The following CHD7 variants were observed in gnomAD, a reference collection of about 807,000 sequenced individuals.
CHD7 encodes the protein chromodomain helicase DNA binding protein 7.
In CHD7, 24 loss-of-function variants were observed where a neutral mutation model predicts 307.3. That is an observed-to-expected ratio of 0.08 (90% CI 0.06 to 0.11). The LOEUF (loss-of-function observed/expected upper bound fraction) is 0.11, where lower values mean the gene tolerates loss of function less well. Ranked by LOEUF, CHD7 falls within the 10% of genes least tolerant of loss-of-function variation. The pLI is 1.00. For synonymous variants in CHD7, 1,363 were observed against 1,349.9 expected (o/e 1.01, Z -0.21); for missense variants, 3,106 against 3,727.1 (o/e 0.83, Z 4.34).
intron 2 of CHD7, among the ~76,000 whole-genome samples, chr8:60,746,281 C>T (rs1329963339): frequency 6.6e-6 from 1 of 152,174 alleles, no homozygotes; most frequent in Non-Finnish European, 1.5e-5. Flanking sequence ...TGTAATACAG[C>T]CTTAGTTATG....
At chr8:60,811,936 C>G (rs1268654209) in intron 7 of CHD7, among the ~76,000 whole-genome samples, 1 of 152,172 alleles carries the variant, frequency 6.6e-6, no homozygotes, top group Non-Finnish European at 1.5e-5. Flanking sequence ...AACACCTTTT[C>G]ATAAGATTAA....
At position 60,741,358 on chromosome 8, in the gene CHD7, G is replaced by T. The variant is rs1048523310; in HGVS notation, c.-75G>T. ...TTAGTTAAGGATTATAGGCTTTGAG[G>T]GCAAACACCTCAGTGAAGTGAAGCA... On this transcript the variant is annotated 5_prime_UTR_variant, in exon 2 of 38. Transcript: ENST00000423902. 11 of 1,037,214 alleles carry T rather than the reference G, an allele frequency of 1.1e-5. No homozygotes were observed. The African/African-American group carries it at 1.8e-4, about 17-fold the overall frequency. 64.3% of individuals were successfully genotyped at this position (1,037,214 alleles called of 1,614,324 possible). A position where few individuals can be genotyped will look rare whatever the true frequency, so the allele number is the denominator to read the frequency against.
chr8:60,846,193 G>A lies in CHD7; in HGVS notation c.5210+784G>A, dbSNP rs568858203. Among the ~76,000 whole-genome samples the A allele has an allele frequency of 3.3e-5, 5 of 152,256 alleles. No individual in the cohort carries two copies. In the East Asian group the frequency reaches 7.7e-4, roughly 23 times the overall value. On this transcript the variant is annotated intron_variant, in intron 23 of 37. Coordinates refer to ENST00000423902, the MANE Select transcript of CHD7 (RefSeq NM_017780.4). Reference sequence around the variant, plus strand: ...AGAGGACTGGTTTTTAACCAGTATCGGTTAGAGAATAGTAGTCAGCATTAT... The same window carrying A: ...AGAGGACTGGTTTTTAACCAGTATCAGTTAGAGAATAGTAGTCAGCATTAT...
chr8:60,806,908 G>A (rs1812561918), intron 6 of CHD7, among the ~76,000 whole-genome samples: 2 of 152,088 alleles, frequency 1.3e-5, no homozygotes, highest in Non-Finnish European at 2.9e-5. Flanking sequence ...GAGGTGGTAG[G>A]GAGGGGCAGG....
chr8:60,826,557 G>T (rs1218166256), intron 13 of CHD7, among the ~76,000 whole-genome samples: 1 of 152,194 alleles, frequency 6.6e-6, no homozygotes, highest in African/African-American at 2.4e-5. Flanking sequence ...GCTGTTACCT[G>T]CACTAGACTC....
chr8:60,775,113 G>A (rs919290341), intron 2 of CHD7, among the ~76,000 whole-genome samples: 4 of 151,834 alleles, frequency 2.6e-5, no homozygotes, highest in Non-Finnish European at 2.9e-5. Context: ...TCTGTTCTAA[G>A]GACAGCTTTA....
intron 19 of CHD7, among the ~76,000 whole-genome samples, chr8:60,841,207 T>C (rs989959743): frequency 6.6e-6 from 1 of 152,266 alleles, no homozygotes; most frequent in African/African-American, 2.4e-5. Context: ...CTGGCTCTTC[T>C]TCCCTGACTA....
chr8:60,781,627 G>A (rs1811239052), intron 3 of CHD7, among the ~76,000 whole-genome samples, 197 bp downstream of exon 3: 1 of 152,162 alleles, frequency 6.6e-6, no homozygotes, highest in Admixed American at 6.5e-5. Flanking sequence ...GTTGTGAACT[G>A]TTGATTTACA....
chr8:60,789,253 A>G (rs1398313505), intron 3 of CHD7, among the ~76,000 whole-genome samples: 1 of 152,250 alleles, frequency 6.6e-6, no homozygotes, highest in Non-Finnish European at 1.5e-5. Context: ...CCCATGCCAC[A>G]AAAACATCTC....
At chr8:60,709,956 C>G (rs1434073289) in intron 1 of CHD7, among the ~76,000 whole-genome samples, 1 of 152,022 alleles carries the variant, frequency 6.6e-6, no homozygotes, top group Non-Finnish European at 1.5e-5. Context: ...GATTAGAGAT[C>G]ATAAATATGG....
rs192948336 is a variant in CHD7 at position 60,861,553 on chromosome 8, A to G, written c.7830+428A>G. The G allele has an allele frequency of 4.2e-3, 675 of 161,324 alleles. 6 individuals carry two copies. The highest frequency in any genetic ancestry group is 0.016 in the African/African-American group (652 of 41,776). The allele number at this position is 161,324 out of a possible 1,614,324, so 10.0% of individuals were successfully genotyped here. A position where few individuals can be genotyped will look rare whatever the true frequency, so the allele number is the denominator to read the frequency against. The stretch of plus-strand genomic sequence containing the variant: ...AGATTTGACCAGTTAGTGCAGCCCA[A>G]GATTGTATTAGCTGCTTTTATGGCA... On this transcript the variant is annotated intron_variant, in intron 35 of 37. Transcript: ENST00000423902.
intron 1 of CHD7, among the ~76,000 whole-genome samples, chr8:60,732,187 G>A (rs533579851): frequency 1.3e-5 from 2 of 152,216 alleles, no homozygotes; most frequent in African/African-American, 4.8e-5. Flanking sequence ...TTCAAACCAG[G>A]CAGGATTCAG....
In CHD7 at chr8:60,830,632, C is replaced by T. The variant is rs1804465425; in HGVS notation, c.3778+55C>T. On this transcript the variant is annotated intron_variant, in intron 15 of 37. Transcript: ENST00000423902. ...AAGTGACGATTGAAGCACCAGAAAT[C>T]CCTTTCTGCCCCCAGACTGGGGATT... 43 of 1,580,222 alleles carry T rather than the reference C, an allele frequency of 2.7e-5. 1 individual carries two copies. The South Asian group carries it at 4.7e-4, about 17-fold the overall frequency.
intron 3 of CHD7, among the ~76,000 whole-genome samples, chr8:60,793,094 A>G (rs1420039280): frequency 6.6e-6 from 1 of 152,150 alleles, no homozygotes; most frequent in Non-Finnish European, 1.5e-5. Context: ...TGCAGATGAA[A>G]GGAAAGGGGC....
chr8:60,718,329 T>C (rs1200881567), intron 1 of CHD7, among the ~76,000 whole-genome samples: 3 of 152,080 alleles, frequency 2.0e-5, no homozygotes, highest in African/African-American at 7.2e-5. Context: ...AATACAAAAA[T>C]TAGCTGGGTG....
Position 60,853,593 on chromosome 8 carries a change from C to CTTA in CHD7, c.6775+93_6775+94insTTA, listed in dbSNP as rs913633502. On this transcript the variant is annotated intron_variant, in intron 31 of 37. Transcript: ENST00000423902. ...GCAGCACGGCACCTGCTCTTTTTCACGAGTACTTAGTGTACATTTTCTTCT... is the reference window on the plus strand; with the variant it reads ...GCAGCACGGCACCTGCTCTTTTTCACTTAGAGTACTTAGTGTACATTTTCTTCT... The CTTA allele has an allele frequency of 6.1e-5, 60 of 977,740 alleles. No homozygotes were observed. In the African/African-American group the frequency reaches 7.0e-4, roughly 11 times the overall value. 60.6% of individuals were successfully genotyped at this position (977,740 alleles called of 1,614,324 possible). A position where few individuals can be genotyped will look rare whatever the true frequency, so the allele number is the denominator to read the frequency against.
chr8:60,822,397 C>G, intron 11 of CHD7, 106 bp from the exon 12 acceptor site: 1 of 1,085,150 alleles, frequency 9.2e-7, no homozygotes. Flanking sequence ...ACATCTAAAG[C>G]CTTTGGGTAT....
chr8:60,745,955 T>C (rs923679663), intron 2 of CHD7, among the ~76,000 whole-genome samples: 1 of 152,250 alleles, frequency 6.6e-6, no homozygotes, highest in African/African-American at 2.4e-5. Flanking sequence ...TCCTCTAATT[T>C]TAGCTTCTGA....
chr8:60,716,680 T>C (rs1277460211), intron 1 of CHD7, among the ~76,000 whole-genome samples: 2 of 152,246 alleles, frequency 1.3e-5, no homozygotes, highest in Non-Finnish European at 2.9e-5. Context: ...TACTTATTTA[T>C]TTTGTTTGAC....
Sources: allele counts gnomAD v4.1 joint callset (sites outside exome capture counted in the v4.1 genomes callset), GRCh38; gene constraint gnomAD v4.1.1; transcripts MANE v1.5; gene names NCBI Gene and HGNC (gene_info 2026-07-23, HGNC 2026-07-21).